RPS6KC1: variants seen among roughly 807,000 people sequenced by gnomAD.
RPS6KC1 encodes the protein inactive ribosomal protein S6 kinase delta-1.
A neutral mutation model predicts 103.8 loss-of-function variants in RPS6KC1; 54 were observed. The ratio of observed to expected loss-of-function variants is 0.52; its 90% CI spans 0.42 to 0.65. The LOEUF (loss-of-function observed/expected upper bound fraction) is 0.65. RPS6KC1 is among the 30% of genes least tolerant of loss of function. RPS6KC1 has a pLI of 0.00. For synonymous variants in RPS6KC1, 439 were observed against 438.7 expected, an observed-to-expected ratio of 1.00 and a Z score of -0.01; for missense variants, 1,151 against 1,253.8, an observed-to-expected ratio of 0.92 and a Z score of 1.24.
At chr1:213,262,524 T>C (rs549722140) in intron 13 of RPS6KC1, among the ~76,000 whole-genome samples, 197 bp from the exon 14 acceptor site, 80 of 152,294 alleles carry the variant, frequency 5.3e-4, no homozygotes, top group African/African-American at 1.9e-3. Flanking sequence ...GTGATCATGG[T>C]GATTGTCTTC....
the RPS6KC1 span, among the ~76,000 whole-genome samples, chr1:213,383,773 A>C: frequency 6.7e-6 from 1 of 148,538 alleles, no homozygotes; most frequent in African/African-American, 2.5e-5. Flanking sequence ...ACACGCACAC[A>C]GGGAAAGGCC....
chr1:213,850,930 G>T, the RPS6KC1 span, among the ~76,000 whole-genome samples: 3 of 151,790 alleles, frequency 2.0e-5, no homozygotes, highest in Non-Finnish European at 4.4e-5. Context: ...TTTTCTGACA[G>T]TCAGAAACAT....
At chr1:213,648,837 C>T in the RPS6KC1 span, among the ~76,000 whole-genome samples, 1 of 152,276 alleles carries the variant, frequency 6.6e-6, no homozygotes, top group East Asian at 1.9e-4. Context: ...CATGACAATC[C>T]TACACAACTT....
At chr1:213,680,441 T>G in the RPS6KC1 span, among the ~76,000 whole-genome samples, 1 of 152,102 alleles carries the variant, frequency 6.6e-6, no homozygotes, top group Non-Finnish European at 1.5e-5. Context: ...GATGAGCAGG[T>G]GAGCTGAGGG....
At chr1:213,783,855 A>G in the RPS6KC1 span, among the ~76,000 whole-genome samples, 1 of 150,842 alleles carries the variant, frequency 6.6e-6, no homozygotes, top group East Asian at 2.0e-4. Flanking sequence ...CAAACCACAC[A>G]AATAAGAGCT....
At chr1:213,504,124 T>C in the RPS6KC1 span, among the ~76,000 whole-genome samples, 1 of 152,198 alleles carries the variant, frequency 6.6e-6, no homozygotes, top group Non-Finnish European at 1.5e-5. Context: ...GCCAGGTATA[T>C]ACAATTATGA....
the RPS6KC1 span, among the ~76,000 whole-genome samples, chr1:213,600,573 A>G: frequency 7.6e-3 from 1,159 of 152,112 alleles, 12 homozygotes; most frequent in African/African-American, 0.026. Flanking sequence ...TTTCTTCTCT[A>G]CAAAGCCCAT....
At chr1:213,151,820 G>T (rs565545959) in intron 6 of RPS6KC1, among the ~76,000 whole-genome samples, 2 of 122,994 alleles carry the variant, frequency 1.6e-5, no homozygotes, top group East Asian at 2.6e-4. Flanking sequence ...GCAGCTGGCC[G>T]GGCGAGGGGC....
intron 10 of RPS6KC1, among the ~76,000 whole-genome samples, chr1:213,234,695 G>A (rs1474437645): frequency 1.3e-5 from 2 of 152,164 alleles, no homozygotes; most frequent in African/African-American, 4.8e-5. Flanking sequence ...TAAGGACTTT[G>A]ACTTTTGTTC....
At chr1:213,741,358 G>A in the RPS6KC1 span, among the ~76,000 whole-genome samples, 6 of 152,016 alleles carry the variant, frequency 3.9e-5, no homozygotes, top group East Asian at 1.9e-4. Context: ...ATACATCTGC[G>A]TTTGTAGCTT....
chr1:213,683,741 G>T, the RPS6KC1 span, among the ~76,000 whole-genome samples: 1 of 152,026 alleles, frequency 6.6e-6, no homozygotes, highest in Non-Finnish European at 1.5e-5. Flanking sequence ...GGCCCGGCCC[G>T]TCCCAACTCC....
the RPS6KC1 span, among the ~76,000 whole-genome samples, chr1:213,791,371 C>T: frequency 8.5e-5 from 13 of 152,188 alleles, no homozygotes; most frequent in Middle Eastern, 3.4e-3. Flanking sequence ...CTAACAAACT[C>T]GTTGTATTCC....
intron 6 of RPS6KC1, among the ~76,000 whole-genome samples, chr1:213,152,082 G>A (rs1239426143): frequency 2.8e-5 from 4 of 144,036 alleles, no homozygotes; most frequent in East Asian, 2.2e-4. Flanking sequence ...CTCCCGGACG[G>A]GGCGGCTGGC....
chr1:213,246,468 A>G (rs1220121887), intron 12 of RPS6KC1, among the ~76,000 whole-genome samples: 1 of 152,180 alleles, frequency 6.6e-6, no homozygotes, highest in Non-Finnish European at 1.5e-5. Context: ...GGATTAGAGA[A>G]TAAAAACTGG....
chr1:213,133,097 A>G (rs2085842267), intron 6 of RPS6KC1, among the ~76,000 whole-genome samples: 2 of 152,274 alleles, frequency 1.3e-5, no homozygotes, highest in Middle Eastern at 3.4e-3. Flanking sequence ...ACTCCCTCTT[A>G]GAAATGGTTC....
chr1:213,395,676 A>G, the RPS6KC1 span, among the ~76,000 whole-genome samples: 2 of 152,210 alleles, frequency 1.3e-5, no homozygotes, highest in African/African-American at 4.8e-5. Context: ...TCTGATTTCA[A>G]GCTACTAATG....
chr1:213,244,163 T>G (rs17743282), intron 12 of RPS6KC1, among the ~76,000 whole-genome samples: 11,468 of 151,892 alleles, frequency 0.076, 635 homozygotes, highest in Middle Eastern at 0.12. Flanking sequence ...GATAAAAAAT[T>G]GCATGTTGAA....
chr1:213,325,091 T>G, the RPS6KC1 span, among the ~76,000 whole-genome samples: 1 of 152,136 alleles, frequency 6.6e-6, no homozygotes, highest in South Asian at 2.1e-4. Context: ...ACTGTAGGGA[T>G]AGATGTTGGG....
At chr1:213,400,169 C>T in the RPS6KC1 span, among the ~76,000 whole-genome samples, 3 of 151,948 alleles carry the variant, frequency 2.0e-5, no homozygotes, top group Non-Finnish European at 4.4e-5. Flanking sequence ...TCAGAACTGA[C>T]TGCTCAGGTG....
Sources: gnomAD v4.1 joint callset for allele counts (sites outside exome capture counted in the v4.1 genomes callset) on GRCh38, gnomAD v4.1.1 for gene constraint, MANE v1.5 for transcripts, NCBI Gene and HGNC (gene_info 2026-07-23, HGNC 2026-07-21) for gene names.